The following LRBA variants were observed in gnomAD, a reference collection of about 807,000 sequenced individuals.
The protein encoded by LRBA is LPS responsive beige-like anchor protein.
LRBA carries 176 observed loss-of-function variants against 330.0 expected under a neutral mutation model. The observed-to-expected ratio is 0.53, with a 90% CI of 0.47 to 0.60. The LOEUF (loss-of-function observed/expected upper bound fraction) is 0.60. Ranked by LOEUF, LRBA falls within the 20% of genes least tolerant of loss-of-function variation. The probability of loss-of-function intolerance (pLI) is 0.00; values close to 1 mark genes in which losing one functional copy is unlikely to be tolerated. For missense variants in LRBA, 3,259 were observed against 3,444.8 expected, an observed-to-expected ratio of 0.95 and a Z score of 1.35; for synonymous variants, 1,230 against 1,193.0, an observed-to-expected ratio of 1.03 and a Z score of -0.64.
At chr4:150,837,416 T>C (rs897463168) in intron 28 of LRBA, among the ~76,000 whole-genome samples, 2 of 152,146 alleles carry the variant, frequency 1.3e-5, no homozygotes, top group African/African-American at 2.4e-5. Flanking sequence ...CCCATTATTA[T>C]TGTGTGGGAG....
At chr4:150,438,953 T>C (rs1751482380) in intron 44 of LRBA, among the ~76,000 whole-genome samples, 1 of 152,186 alleles carries the variant, frequency 6.6e-6, no homozygotes, top group South Asian at 2.1e-4. Flanking sequence ...TAAAATGCTA[T>C]CTTTTAAAGC....
intron 47 of LRBA, among the ~76,000 whole-genome samples, chr4:150,369,435 T>A (rs530437436): frequency 2.6e-5 from 4 of 152,314 alleles, no homozygotes; most frequent in Admixed American, 6.5e-5. Flanking sequence ...TATAGGTAAA[T>A]GTACTATGTT....
At chr4:150,821,575 C>T (rs972777539) in intron 30 of LRBA, among the ~76,000 whole-genome samples, 1 of 152,048 alleles carries the variant, frequency 6.6e-6, no homozygotes, top group Non-Finnish European at 1.5e-5. Context: ...CCTTCCCGAT[C>T]AATAAAGTTG....
intron 40 of LRBA, among the ~76,000 whole-genome samples, chr4:150,561,664 C>T (rs527967926): frequency 1.1e-3 from 162 of 152,260 alleles, no homozygotes; most frequent in African/African-American, 3.7e-3. Flanking sequence ...CTCCCCTAGA[C>T]GCTCTAGAAG....
chr4:150,422,913 A>T, intron 46 of LRBA: 1 of 816,626 alleles, frequency 1.2e-6, no homozygotes, highest in Non-Finnish European at 2.2e-6. Flanking sequence ...GAGAAAGGGG[A>T]TGGATGCCAG....
At chr4:150,797,074 A>G (rs961308935) in intron 34 of LRBA, among the ~76,000 whole-genome samples, 2 of 151,882 alleles carry the variant, frequency 1.3e-5, no homozygotes, top group Non-Finnish European at 3.0e-5. Context: ...TAATCTCTAG[A>G]AGTAATTGTT....
chr4:150,572,257 C>T (rs965156559), intron 40 of LRBA, among the ~76,000 whole-genome samples: 1 of 152,076 alleles, frequency 6.6e-6, no homozygotes, highest in Non-Finnish European at 1.5e-5. Context: ...GAAAGTCAAA[C>T]AGCAACTGCT....
intron 36 of LRBA, among the ~76,000 whole-genome samples, chr4:150,729,095 G>A (rs1730093567): frequency 6.6e-6 from 1 of 152,152 alleles, no homozygotes; most frequent in Admixed American, 6.5e-5. Flanking sequence ...TAAGGAGGTG[G>A]ACTGCTTGAG....
In LRBA at chr4:150,872,697, C is replaced by G; in HGVS notation, c.2224G>C (p.Ala742Pro). 6.2e-7 allele frequency: 1 copy of G among 1,610,136 alleles called. No homozygotes were observed. ...AGATGTTTTAAAAAATAACCCATTG[C>G]CTTAAGAGCTTGTACCCTGATTCCT... Reference protein sequence around the residue: ...SEGIRVQALKAMGYFLKHLAP... With the variant: ...SEGIRVQALKPMGYFLKHLAP... Residue 742 changes from alanine (A) to proline (P), a missense_variant, in exon 18 of 57, where the codon GCA (alanine) becomes CCA (proline). Transcript: ENST00000651943.
At chr4:150,984,630 C>T (rs1741226062) in intron 2 of LRBA, among the ~76,000 whole-genome samples, 1 of 152,178 alleles carries the variant, frequency 6.6e-6, no homozygotes. Flanking sequence ...TGCTACAAGT[C>T]TTCATTCTTA....
chr4:150,734,106 C>A (rs895022596), intron 36 of LRBA, among the ~76,000 whole-genome samples: 4 of 152,026 alleles, frequency 2.6e-5, no homozygotes, highest in Non-Finnish European at 5.9e-5. Flanking sequence ...ATTTAATAGT[C>A]TTTACCATAT....
At chr4:150,744,516 A>G (rs1193944909) in intron 35 of LRBA, among the ~76,000 whole-genome samples, 3 of 152,088 alleles carry the variant, frequency 2.0e-5, no homozygotes, top group Non-Finnish European at 4.4e-5. Context: ...TTTCATATAC[A>G]TTATAACTGA....
intron 5 of LRBA, among the ~76,000 whole-genome samples, chr4:150,918,850 T>C (rs1490393457): frequency 6.6e-6 from 1 of 152,184 alleles, no homozygotes; most frequent in Admixed American, 6.5e-5. Flanking sequence ...TACAGCTACT[T>C]TGGAAAACAG....
intron 54 of LRBA, among the ~76,000 whole-genome samples, chr4:150,284,560 G>C (rs1251979712): frequency 6.6e-6 from 1 of 152,002 alleles, no homozygotes; most frequent in Non-Finnish European, 1.5e-5. Context: ...TTAGAGACAG[G>C]GTTTTGCTGT....
At chr4:150,271,050 C>T (rs527860342) in intron 56 of LRBA, among the ~76,000 whole-genome samples, 53 of 152,210 alleles carry the variant, frequency 3.5e-4, no homozygotes, top group African/African-American at 1.1e-3. Flanking sequence ...GTGCAGCCCA[C>T]GGAGGGCAAG....
intron 56 of LRBA, among the ~76,000 whole-genome samples, chr4:150,268,292 C>G (rs1745629231): frequency 6.6e-6 from 1 of 151,998 alleles, no homozygotes; most frequent in Non-Finnish European, 1.5e-5. Flanking sequence ...AATCAAAAAC[C>G]TCCCAATAAG....
intron 47 of LRBA, among the ~76,000 whole-genome samples, chr4:150,354,309 T>C (rs1464585091): frequency 6.6e-6 from 1 of 151,980 alleles, no homozygotes; most frequent in Admixed American, 6.6e-5. Context: ...AAATGAAAAA[T>C]GCCAGTGGAA....
rs1384014823 is a variant in LRBA at position 150,516,215 on chromosome 4, C to CTTTTTTTTTTTTT, written c.6331-25181_6331-25180insAAAAAAAAAAAAA. 5.9e-4 allele frequency among the ~76,000 whole-genome samples: 51 copies of CTTTTTTTTTTTTT among 86,676 alleles called. 17 individuals are homozygous for CTTTTTTTTTTTTT. Among genetic ancestry groups the CTTTTTTTTTTTTT allele is most frequent in the Admixed American group, 1.1e-3 (8 of 7,598 alleles). 56.9% of individuals were successfully genotyped at this position (86,676 alleles called of 152,430 possible). A position where few individuals can be genotyped will look rare whatever the true frequency, so the allele number is the denominator to read the frequency against. On this transcript the variant is annotated intron_variant, in intron 40 of 56. Coordinates refer to ENST00000651943, the MANE Select transcript of LRBA (RefSeq NM_001364905.1). ...GTAATTCAGTCTGACATTTTCTATT[C>CTTTTTTTTTTTTT]TCTTTTTTTTTTTTTTTTTTTTTTT...
intron 35 of LRBA, among the ~76,000 whole-genome samples, chr4:150,754,066 CAAAA>C (rs113747160): frequency 8.9e-6 from 1 of 112,568 alleles, no homozygotes. Context: ...AGACTCCATC[CAAAA>C]AAAAAAAAAA....
Sources: allele counts gnomAD v4.1 joint callset (sites outside exome capture counted in the v4.1 genomes callset), GRCh38; gene constraint gnomAD v4.1.1; transcripts MANE v1.5; gene names NCBI Gene and HGNC (gene_info 2026-07-23, HGNC 2026-07-21).